ADAM29: variants seen among roughly 807,000 people sequenced by gnomAD.
ADAM29 encodes disintegrin and metalloproteinase domain-containing protein 29.
For missense variants in ADAM29, 969 were observed against 1,001.8 expected (o/e 0.97, Z 0.44); for synonymous variants, 367 against 342.3 (o/e 1.07, Z -0.80).
At chr4:174,958,297 G>A (rs1023107474) in intron 4 of ADAM29, among the ~76,000 whole-genome samples, 1 of 151,596 alleles carries the variant, frequency 6.6e-6, no homozygotes, top group Non-Finnish European at 1.5e-5. Context: ...TCTCTTTTCA[G>A]TTCTATCAGG....
chr4:174,944,069 T>G (rs1266283024), intron 4 of ADAM29, among the ~76,000 whole-genome samples: 1 of 151,622 alleles, frequency 6.6e-6, no homozygotes, highest in Non-Finnish European at 1.5e-5. Flanking sequence ...AATTATAAAT[T>G]ATATGTTGTT....
intron 4 of ADAM29, among the ~76,000 whole-genome samples, chr4:174,960,754 G>C: frequency 6.6e-6 from 1 of 152,106 alleles, no homozygotes; most frequent in South Asian, 2.1e-4. Context: ...GTTTACAGGA[G>C]GGCATTGTTT....
At chr4:174,923,525 GTATATATATAT>G (rs1743296551) in intron 2 of ADAM29, among the ~76,000 whole-genome samples, 1,302 of 96,694 alleles carry the variant, frequency 0.013, 55 homozygotes, top group African/African-American at 0.045. Context: ...TGCATTATAT[GTATATATATAT>G]ATATATATAT....
At chr4:174,928,437 G>A (rs1438549765) in intron 2 of ADAM29, among the ~76,000 whole-genome samples, 1 of 151,716 alleles carries the variant, frequency 6.6e-6, no homozygotes, top group Non-Finnish European at 1.5e-5. Context: ...AGGGGGGTTT[G>A]TCTTTAGCCC....
At chr4:174,975,269 C>T (rs1308851221) in intron 4 of ADAM29, 77 bp from the exon 5 acceptor site, 1 of 355,544 alleles carries the variant, frequency 2.8e-6, no homozygotes, top group Admixed American at 4.5e-5. Context: ...TTCTCTTTCT[C>T]CTCTTCCCCA....
At chr4:174,968,770 C>CA (rs1491508298) in intron 4 of ADAM29, among the ~76,000 whole-genome samples, 32 of 88,682 alleles carry the variant, frequency 3.6e-4, no homozygotes, top group Middle Eastern at 5.8e-3. Context: ...CCACTTTCCG[C>CA]CCACACACAC....
At chr4:174,930,782 T>C (rs1055626970) in intron 2 of ADAM29, among the ~76,000 whole-genome samples, 3 of 152,194 alleles carry the variant, frequency 2.0e-5, no homozygotes, top group African/African-American at 7.2e-5. Flanking sequence ...AAAAGAATGA[T>C]TTTCTTCTGG....
rs1238683220 is a variant in ADAM29, at chr4:174,975,944, C to T, written c.419C>T (p.Ala140Val). The T allele has an allele frequency of 3.1e-6, 5 of 1,613,880 alleles. No homozygotes were observed. The highest frequency in any genetic ancestry group is 4.2e-6 in the Non-Finnish European group (5 of 1,179,994). Residue 140 changes from alanine (A) to valine (V), a missense_variant, in exon 5 of 5, where the codon GCA becomes GTA. Coordinates refer to ENST00000359240, the MANE Select transcript of ADAM29 (RefSeq NM_014269.4). ...NDFAYEIKPL[A>V]FSTTFEHLVY... ...TTTGCTTATGAAATCAAGCCCCTAGCATTTTCTACCACGTTTGAACATCTG... is the reference window on the plus strand; with the variant it reads ...TTTGCTTATGAAATCAAGCCCCTAGTATTTTCTACCACGTTTGAACATCTG...
intron 4 of ADAM29, among the ~76,000 whole-genome samples, chr4:174,964,110 T>C (rs1277851170): frequency 6.6e-6 from 1 of 152,126 alleles, no homozygotes; most frequent in Non-Finnish European, 1.5e-5. Context: ...AAATTATGTA[T>C]GGTTTGAAGG....
intron 1 of ADAM29, among the ~76,000 whole-genome samples, chr4:174,920,237 A>T (rs1310807044): frequency 1.3e-5 from 2 of 152,198 alleles, no homozygotes; most frequent in Non-Finnish European, 2.9e-5. Context: ...TTGAAACTTG[A>T]TGGAGGCTTC....
chr4:174,940,568 T>A (rs1406750305), intron 4 of ADAM29, among the ~76,000 whole-genome samples: 5 of 144,120 alleles, frequency 3.5e-5, no homozygotes, highest in African/African-American at 1.5e-4. Context: ...CCTCTCTGAC[T>A]TTTTTTCATA....
chr4:174,937,171 A>G (rs899573717), intron 4 of ADAM29, among the ~76,000 whole-genome samples, 158 bp downstream of exon 4: 3 of 152,032 alleles, frequency 2.0e-5, no homozygotes, highest in Non-Finnish European at 4.4e-5. Flanking sequence ...CAATTTGCCA[A>G]TAATTTCCAT....
intron 4 of ADAM29, among the ~76,000 whole-genome samples, chr4:174,938,696 C>G (rs1744337078): frequency 6.6e-6 from 1 of 152,030 alleles, no homozygotes; most frequent in South Asian, 2.1e-4. Flanking sequence ...TTGACTGGGG[C>G]TCAGGATAAG....
At position 174,959,735 on chromosome 4, in the gene ADAM29, G is replaced by A. The variant is rs147128127; in HGVS notation, c.-180-15611G>A. Among the ~76,000 whole-genome samples the A allele has an allele frequency of 4.0e-4, 61 of 151,506 alleles. 1 individual carries two copies. In the East Asian group the frequency reaches 8.5e-3, roughly 21 times the overall value. On this transcript the variant is annotated intron_variant, in intron 4 of 4. Transcript: ENST00000359240. ...GTAAATTTCTATCTTCAAGATTGCC[G>A]CTAGCTTCGTTTATTATTTTCTTAA...
intron 2 of ADAM29, among the ~76,000 whole-genome samples, chr4:174,927,497 A>G (rs547957483): frequency 4.5e-4 from 69 of 152,310 alleles, no homozygotes; most frequent in Middle Eastern, 3.4e-3. Flanking sequence ...AGTTTTCACC[A>G]CGTCAATTCT....
intron 3 of ADAM29, among the ~76,000 whole-genome samples, chr4:174,936,681 C>T (rs573838086): frequency 1.1e-4 from 16 of 151,944 alleles, no homozygotes; most frequent in African/African-American, 3.9e-4. Context: ...CATTGTTATT[C>T]CACATTACAA....
At chr4:174,948,770 G>A (rs760298932) in intron 4 of ADAM29, among the ~76,000 whole-genome samples, 1 of 152,120 alleles carries the variant, frequency 6.6e-6, no homozygotes, top group Non-Finnish European at 1.5e-5. Context: ...TGGTGATGGG[G>A]GCACTGGCAG....
chr4:174,975,692 T>C lies in ADAM29; in HGVS notation c.167T>C (p.Leu56Pro), dbSNP rs1746729244. The C allele has an allele frequency of 6.2e-7, 1 of 1,611,750 alleles. No individual in the cohort carries two copies. Among genetic ancestry groups the C allele is most frequent in the Admixed American group, 1.7e-5 (1 of 59,686 alleles). Residue 56 changes from leucine to proline, a missense_variant, in exon 5 of 5, where the codon CTG becomes CCG. Coordinates refer to ENST00000359240, the MANE Select transcript of ADAM29 (RefSeq NM_014269.4). ...CCTCCAGGCTGGCTCTCCTATATCC[T>C]GCCCTTTGGAGGCCAGAAACACATT... ...MTPPGWLSYI[L>P]PFGGQKHIIH... is the part of the protein sequence containing the mutation.
In ADAM29 at chr4:174,932,482, C is replaced by G. The variant is rs1743947330; in HGVS notation, c.-262+1308C>G. ...TCACATGGTAGCAAGGAAGGCCTCA[C>G]AAGCTCCCTCAGGCCTCTTTTACAA... On this transcript the variant is annotated intron_variant, in intron 3 of 4. Transcript: ENST00000359240. 3.3e-5 allele frequency among the ~76,000 whole-genome samples: 5 copies of G among 152,122 alleles called. No homozygotes were observed. The South Asian group carries it at 1.0e-3, about 32-fold the overall frequency.
Sources: gnomAD v4.1 joint callset for allele counts (sites outside exome capture counted in the v4.1 genomes callset) on GRCh38, gnomAD v4.1.1 for gene constraint, MANE v1.5 for transcripts, NCBI Gene and HGNC (gene_info 2026-07-23, HGNC 2026-07-21) for gene names.